Variants in SPOCK1 observed in about 807,000 individuals in gnomAD.
SPOCK1 encodes testican-1.
SPOCK1 carries 23 observed loss-of-function variants against 55.3 expected under a neutral mutation model. The ratio of observed to expected loss-of-function variants is 0.42; its 90% CI spans 0.30 to 0.59. The LOEUF (loss-of-function observed/expected upper bound fraction) is 0.59, where lower values mean the gene tolerates loss of function less well. Ranked by LOEUF, SPOCK1 falls within the 20% of genes least tolerant of loss-of-function variation. The pLI is 0.22. For missense variants in SPOCK1, 499 were observed against 552.5 expected, an observed-to-expected ratio of 0.90 and a Z score of 0.97; for synonymous variants, 226 against 221.0, an observed-to-expected ratio of 1.02 and a Z score of -0.20.
In SPOCK1 at chr5:136,988,760, C is replaced by T. The variant is rs900945011; in HGVS notation, c.707-117G>A. ...GGCCCACCTGACTCCCTTCCTGAGG[C>T]TGTTTCCTTCCCAGCATACAGATTT... On this transcript the variant is annotated intron_variant, in intron 7 of 10. Transcript: ENST00000394945. The T allele has an allele frequency of 3.0e-5, 25 of 826,904 alleles. 1 individual carries two copies. The highest frequency in any genetic ancestry group is 4.0e-5 in the Non-Finnish European group (22 of 546,430). 51.2% of individuals were successfully genotyped at this position (826,904 alleles called of 1,614,324 possible).
intron 2 of SPOCK1, among the ~76,000 whole-genome samples, chr5:137,287,509 T>C (rs548523108): frequency 6.6e-6 from 1 of 152,330 alleles, no homozygotes; most frequent in South Asian, 2.1e-4. Context: ...TCCCTGAGAT[T>C]GCAGAGGGCA....
chr5:137,168,622 C>T (rs1298219557), intron 3 of SPOCK1, among the ~76,000 whole-genome samples: 5 of 152,140 alleles, frequency 3.3e-5, no homozygotes, highest in Non-Finnish European at 7.4e-5. Context: ...CATCACTGAT[C>T]ATCAGCGAAA....
In SPOCK1 at chr5:137,476,072, T is replaced by C. The variant is rs1040534841; in HGVS notation, c.186+22301A>G. ...TAACTTTTAAGTTCAAGGGTACATG[T>C]ACAGGTTTGTCATATAGGTAAACTC... On this transcript the variant is annotated intron_variant, in intron 2 of 10. Transcript: ENST00000394945. Among the ~76,000 whole-genome samples, 54 of 151,850 alleles carry C rather than the reference T, an allele frequency of 3.6e-4. 1 individual carries two copies. Among genetic ancestry groups the C allele is most frequent in the Admixed American group, 3.2e-3 (49 of 15,224 alleles).
chr5:137,124,206 A>G (rs1488604076), intron 4 of SPOCK1, among the ~76,000 whole-genome samples: 1 of 152,172 alleles, frequency 6.6e-6, no homozygotes, highest in Non-Finnish European at 1.5e-5. Context: ...ATTAGTTTGC[A>G]GCATATTTCA....
chr5:137,112,496 G>T lies in SPOCK1; in HGVS notation c.413C>A (p.Pro138His), dbSNP rs1490313055. 3.1e-6 allele frequency: 5 copies of T among 1,613,778 alleles called. No individual in the cohort carries two copies. The highest frequency in any genetic ancestry group is 4.2e-6 in the Non-Finnish European group (5 of 1,180,020). ...VGPSNLVKCK[P>H]CPVAQSAMVC... ...CATGGCTGACTGTGCCACGGGACAG[G>T]GCTTGCACTTGACCAAATTCGAAGG... The change falls in exon 5 of 11, where the codon CCC (proline) becomes CAC (histidine). Residue 138 changes from proline (P) to histidine (H), a missense_variant. By Grantham distance (77) the Pro-to-His change is moderately conservative (BLOSUM62 -2). Coordinates refer to ENST00000394945, the MANE Select transcript of SPOCK1 (RefSeq NM_004598.4).
At chr5:137,190,041 G>T (rs188441934) in intron 3 of SPOCK1, among the ~76,000 whole-genome samples, 1 of 122,394 alleles carries the variant, frequency 8.2e-6, no homozygotes, top group South Asian at 3.0e-4. Flanking sequence ...TTGAACAGAT[G>T]AGGAGTTGCT....
At chr5:137,048,892 A>T in intron 6 of SPOCK1, among the ~76,000 whole-genome samples, 1 of 74,100 alleles carries the variant, frequency 1.3e-5, no homozygotes, top group Admixed American at 1.8e-4. Context: ...TTTCTCCTTC[A>T]CTTATGAAGC....
intron 3 of SPOCK1, among the ~76,000 whole-genome samples, chr5:137,183,119 A>C (rs1263493188): frequency 3.3e-5 from 5 of 152,182 alleles, no homozygotes; most frequent in Admixed American, 2.6e-4. Context: ...GTTACATGTA[A>C]ATATATCCTT....
chr5:137,338,635 A>G (rs951023658), intron 2 of SPOCK1, among the ~76,000 whole-genome samples: 9 of 151,688 alleles, frequency 5.9e-5, no homozygotes, highest in Non-Finnish European at 1.0e-4. Context: ...AGTCCCACCA[A>G]CAGTGTAAAA....
intron 6 of SPOCK1, among the ~76,000 whole-genome samples, chr5:137,002,832 G>T (rs574461712): frequency 6.6e-6 from 1 of 152,278 alleles, no homozygotes; most frequent in South Asian, 2.1e-4. Context: ...AGGTGATAAT[G>T]CCTAATTCCT....
chr5:137,426,527 C>T (rs917825646), intron 2 of SPOCK1, among the ~76,000 whole-genome samples: 6 of 152,150 alleles, frequency 3.9e-5, no homozygotes, highest in Non-Finnish European at 7.3e-5. Flanking sequence ...CAAGGGCAGC[C>T]TGGTGAGTTA....
chr5:137,434,349 AG>A (rs1752810433), intron 2 of SPOCK1, among the ~76,000 whole-genome samples: 1 of 152,184 alleles, frequency 6.6e-6, no homozygotes, highest in African/African-American at 2.4e-5. Context: ...ATAGATCTGC[AG>A]GATAAATGGG....
intron 2 of SPOCK1, among the ~76,000 whole-genome samples, chr5:137,479,491 A>G (rs1753903960): frequency 6.6e-6 from 1 of 152,126 alleles, no homozygotes. Flanking sequence ...TGACTTCTCC[A>G]CCTCCTAGGC....
intron 2 of SPOCK1, among the ~76,000 whole-genome samples, chr5:137,292,695 A>T (rs1446335389): frequency 6.6e-6 from 1 of 152,292 alleles, no homozygotes; most frequent in East Asian, 1.9e-4. Flanking sequence ...TCCATACAGG[A>T]TTCAGCCACT....
intron 2 of SPOCK1, among the ~76,000 whole-genome samples, chr5:137,457,799 AG>A (rs1753397119): frequency 6.6e-6 from 1 of 152,146 alleles, no homozygotes; most frequent in Non-Finnish European, 1.5e-5. Flanking sequence ...ATCATCCCAG[AG>A]GGGAAAAAAG....
At chr5:137,374,883 C>A (rs943383292) in intron 2 of SPOCK1, among the ~76,000 whole-genome samples, 1 of 152,056 alleles carries the variant, frequency 6.6e-6, no homozygotes, top group Non-Finnish European at 1.5e-5. Context: ...GGCAGGCAAT[C>A]CAACTCCAGA....
intron 3 of SPOCK1, among the ~76,000 whole-genome samples, chr5:137,167,507 A>G (rs1437283650): frequency 1.3e-5 from 2 of 152,102 alleles, no homozygotes; most frequent in Non-Finnish European, 2.9e-5. Context: ...CAATGGCTGC[A>G]GAATACACAT....
intron 5 of SPOCK1, among the ~76,000 whole-genome samples, chr5:137,105,846 C>T (rs115555351): frequency 0.015 from 2,226 of 152,226 alleles, 60 homozygotes; most frequent in African/African-American, 0.051. Context: ...TGTTTAACAG[C>T]AATTAAGGAA....
At chr5:137,402,272 A>G (rs995526550) in intron 2 of SPOCK1, among the ~76,000 whole-genome samples, 7 of 152,240 alleles carry the variant, frequency 4.6e-5, no homozygotes, top group South Asian at 2.1e-4. Context: ...AGGAAAAGAT[A>G]CAACCATTGT....
Sources: gnomAD v4.1 joint callset for allele counts (sites outside exome capture counted in the v4.1 genomes callset) on GRCh38, gnomAD v4.1.1 for gene constraint, MANE v1.5 for transcripts, NCBI Gene and HGNC (gene_info 2026-07-23, HGNC 2026-07-21) for gene names.